Variants in GATA4 observed in about 807,000 individuals in gnomAD.
GATA4 encodes the protein GATA binding protein 4, also known as transcription factor GATA-4.
GATA4 carries 7 observed loss-of-function variants against 37.9 expected under a neutral mutation model. The observed-to-expected ratio is 0.18, with a 90% CI of 0.11 to 0.35. The LOEUF (loss-of-function observed/expected upper bound fraction) is 0.35, where lower values mean the gene tolerates loss of function less well. Ranked by LOEUF, GATA4 falls within the 10% of genes least tolerant of loss-of-function variation. The pLI, the probability that GATA4 is intolerant of heterozygous loss-of-function variation, is 1.00. For missense variants in GATA4, 647 were observed against 653.0 expected, an observed-to-expected ratio of 0.99 and a Z score of 0.10; for synonymous variants, 372 against 292.6, an observed-to-expected ratio of 1.27 and a Z score of -2.77.
chr8:11,702,078 A>G (rs539423389), upstream of GATA4, among the ~76,000 whole-genome samples: 1 of 152,062 alleles, frequency 6.6e-6, no homozygotes, highest in Non-Finnish European at 1.5e-5. This position sits in a 1 kb window ranked among gnomAD's most constrained non-coding sequence, Gnocchi z 4.4. Context: ...TTTAGGGAGG[A>G]TGGGGAGGGC....
upstream of GATA4, among the ~76,000 whole-genome samples, chr8:11,690,232 G>A (rs1799267155): frequency 6.6e-6 from 1 of 152,248 alleles, no homozygotes; most frequent in Non-Finnish European, 1.5e-5. Flanking sequence ...AGAGACCATG[G>A]CGCCCGTGTC....
chr8:11,758,125 C>T (rs1473174913), intron 6 of GATA4, among the ~76,000 whole-genome samples, 168 bp from the exon 7 acceptor site: 1 of 152,182 alleles, frequency 6.6e-6, no homozygotes, highest in Non-Finnish European at 1.5e-5. Flanking sequence ...CCCTTCATGC[C>T]TAGATCACCG....
At position 11,695,171 on chromosome 8, in the gene GATA4, C is replaced by T. The variant is rs192568370; in HGVS notation, c.-729+2511C>T. Among the ~76,000 whole-genome samples the T allele has an allele frequency of 4.7e-4, 71 of 152,172 alleles. No homozygotes were observed. The East Asian group carries it at 0.011, about 24-fold the overall frequency. On this transcript the variant is annotated intron_variant, in intron 1 of 2. Transcript: ENST00000526974. ...CTTTAATCCCAGCACTTTGGGAGGCCGAGAGGGGTGGATCACCTGAGGCTG... is the reference window on the plus strand; with the variant it reads ...CTTTAATCCCAGCACTTTGGGAGGCTGAGAGGGGTGGATCACCTGAGGCTG...
chr8:11,718,361 G>C (rs1467081659), intron 2 of GATA4, among the ~76,000 whole-genome samples: 2 of 152,212 alleles, frequency 1.3e-5, no homozygotes, highest in Admixed American at 1.3e-4. Flanking sequence ...TCTGCATTTT[G>C]CAGGAGCCCA....
At chr8:11,731,278 G>A (rs1020830796) in intron 2 of GATA4, among the ~76,000 whole-genome samples, 2 of 152,200 alleles carry the variant, frequency 1.3e-5, no homozygotes, top group Non-Finnish European at 2.9e-5. Flanking sequence ...TTGTAAAAAT[G>A]AGCGCATTAT....
intron 4 of GATA4, among the ~76,000 whole-genome samples, chr8:11,750,560 C>G (rs1045128934): frequency 6.6e-6 from 1 of 152,116 alleles, no homozygotes; most frequent in Non-Finnish European, 1.5e-5. Context: ...AGAAGGAAAG[C>G]ATGACCTCTA....
chr8:11,731,498 C>G (rs1801207080), intron 2 of GATA4, among the ~76,000 whole-genome samples: 1 of 152,204 alleles, frequency 6.6e-6, no homozygotes, highest in Non-Finnish European at 1.5e-5. Flanking sequence ...ACTCTATGAT[C>G]CCACTTCTGT....
At chr8:11,725,327 G>A (rs185761807) in intron 2 of GATA4, among the ~76,000 whole-genome samples, 1 of 152,350 alleles carries the variant, frequency 6.6e-6, no homozygotes, top group African/African-American at 2.4e-5. Context: ...AGTACATTTT[G>A]AGTAGGTTGT....
At position 11,708,576 on chromosome 8, in the gene GATA4, A is replaced by G; in HGVS notation, c.264A>G (p.Gly88=). 3 of 1,370,432 alleles carry G rather than the reference A, an allele frequency of 2.2e-6. No homozygotes were observed. The highest frequency in any genetic ancestry group is 2.8e-6 in the Non-Finnish European group (3 of 1,067,538). 84.9% of individuals were successfully genotyped at this position (1,370,432 alleles called of 1,614,324 possible). A position where few individuals can be genotyped will look rare whatever the true frequency, so the allele number is the denominator to read the frequency against. The stretch of plus-strand genomic sequence containing the variant: ...CCGGGACCCAGCAGGGCAGCCCGGG[A>G]TGGAGCCAGGCGGGAGCCGACGGAG... ...AGPGTQQGSP[G]WSQAGADGAA... is the part of the protein sequence containing the mutation. The change falls in exon 2 of 7, where the codon GGA becomes GGG. Residue 88 remains glycine (G), a synonymous_variant. Coordinates refer to ENST00000532059, the MANE Select transcript of GATA4 (RefSeq NM_001308093.3). The surrounding 1 kb of genome is among the most constrained non-coding windows in gnomAD (Gnocchi z 6.7).
chr8:11,701,470 T>A (rs1799674467), upstream of GATA4, among the ~76,000 whole-genome samples: 1 of 151,962 alleles, frequency 6.6e-6, no homozygotes, highest in Non-Finnish European at 1.5e-5. Context: ...CCTGGGAACC[T>A]AGAGAGGCGC....
intron 4 of GATA4, among the ~76,000 whole-genome samples, chr8:11,754,007 G>T (rs1164380003): frequency 6.6e-6 from 1 of 152,170 alleles, no homozygotes; most frequent in Non-Finnish European, 1.5e-5. Context: ...TCAAAGTGTT[G>T]TCCAGGGACA....
At position 11,678,344 on chromosome 8, in the gene GATA4, T is replaced by C. The variant is rs143884031; in HGVS notation, c.-274+1281T>C. On this transcript the variant is annotated intron_variant, in intron 1 of 6. Coordinates refer to the GATA4 transcript ENST00000528712. ...AGAACAGAAAATTGTTCCCTTTGACTATCTTTCCATCTCCAGCAGCCCCAC... is the reference window on the plus strand; with the variant it reads ...AGAACAGAAAATTGTTCCCTTTGACCATCTTTCCATCTCCAGCAGCCCCAC... Among the ~76,000 whole-genome samples, 1,007 of 152,272 alleles carry C rather than the reference T, an allele frequency of 6.6e-3. 29 individuals carry two copies. The highest frequency in any genetic ancestry group is 0.05 in the Admixed American group (771 of 15,304).
intron 2 of GATA4, among the ~76,000 whole-genome samples, chr8:11,717,228 A>G (rs1325541347): frequency 1.3e-5 from 2 of 152,266 alleles, no homozygotes; most frequent in Non-Finnish European, 2.9e-5. Flanking sequence ...AAATGGGGTT[A>G]TAATAGGAAT....
chr8:11,742,087 C>A (rs1801766162), intron 2 of GATA4, among the ~76,000 whole-genome samples: 1 of 152,100 alleles, frequency 6.6e-6, no homozygotes. Context: ...GGACCAGCCT[C>A]CCACGCTCAC....
At chr8:11,758,227 A>G in intron 6 of GATA4, 66 bp from the exon 7 acceptor site, 2 of 1,553,518 alleles carry the variant, frequency 1.3e-6, no homozygotes, top group Non-Finnish European at 1.8e-6. Context: ...CACCCTCCCC[A>G]GCCTAGACCT....
At chr8:11,699,852 G>C (rs1056428892), upstream of GATA4, among the ~76,000 whole-genome samples, 3 of 152,094 alleles carry the variant, frequency 2.0e-5, no homozygotes, top group Non-Finnish European at 4.4e-5. Context: ...TTTAAACATT[G>C]ATTTTATTTT....
At chr8:11,720,607 C>A (rs925021086) in intron 2 of GATA4, among the ~76,000 whole-genome samples, 2 of 152,196 alleles carry the variant, frequency 1.3e-5, no homozygotes, top group Middle Eastern at 3.2e-3. Context: ...CTCCCACCCT[C>A]CACTCTCAAT....
At chr8:11,682,772 G>A (rs1342675895) in intron 1 of GATA4, among the ~76,000 whole-genome samples, 6 of 152,198 alleles carry the variant, frequency 3.9e-5, no homozygotes, top group Non-Finnish European at 5.9e-5. Context: ...GTCAGACGTA[G>A]TAGTCCCCGT....
Position 11,755,124 on chromosome 8 carries a change from A to T in GATA4, c.991A>T (p.Thr331Ser). 6.2e-7 allele frequency: 1 copy of T among 1,613,156 alleles called. No individual in the cohort carries two copies. Among genetic ancestry groups the T allele is most frequent in the Non-Finnish European group, 8.5e-7 (1 of 1,179,144 alleles). The part of the protein sequence containing the change: ...RKPKNLNKSK[T>S]PAAPSGSESL... Reference sequence around the variant, plus strand: ...GCCCAAGAACCTGAATAAATCTAAGACACCAGCAGGTGAGGAAAAGATCTG... The same window carrying T: ...GCCCAAGAACCTGAATAAATCTAAGTCACCAGCAGGTGAGGAAAAGATCTG... Residue 331 changes from threonine to serine, a missense_variant, in exon 5 of 7, where the codon ACA becomes TCA. Thr to Ser is a moderately conservative substitution (Grantham distance 58, BLOSUM62 1). Coordinates refer to ENST00000532059, the MANE Select transcript of GATA4 (RefSeq NM_001308093.3).
Sources: gnomAD v4.1 joint callset for allele counts (sites outside exome capture counted in the v4.1 genomes callset) on GRCh38, gnomAD v4.1.1 for gene constraint, Gnocchi (gnomAD v3.1) non-coding constraint, MANE v1.5 for transcripts, NCBI Gene and HGNC (gene_info 2026-07-23, HGNC 2026-07-21) for gene names.